Variants in GALNT9 observed in about 807,000 individuals in gnomAD.
The protein encoded by GALNT9 is GalNAc transferase 9.
Under a neutral mutation model 63.1 loss-of-function variants are expected in GALNT9, and 47 were observed. The observed-to-expected ratio is 0.75, with a 90% confidence interval of 0.59 to 0.95. GALNT9 has a LOEUF of 0.95. GALNT9 is among the 40% of genes least tolerant of loss of function. The probability of loss-of-function intolerance (pLI) is 0.00; values close to 1 mark genes in which losing one functional copy is unlikely to be tolerated. For synonymous variants in GALNT9, 396 were observed against 365.7 expected, an observed-to-expected ratio of 1.08 and a Z score of -0.94; for missense variants, 829 against 874.8, an observed-to-expected ratio of 0.95 and a Z score of 0.66.
chr12:132,225,558 A>T (rs1185967793), intron 6 of GALNT9, among the ~76,000 whole-genome samples: 3 of 145,618 alleles, frequency 2.1e-5, no homozygotes, highest in Admixed American at 6.8e-5. Context: ...CCCACACTGT[A>T]CATACACACC....
At chr12:132,240,652 T>C (rs1555236888) in intron 6 of GALNT9, 2 of 455,012 alleles carry the variant, frequency 4.4e-6, no homozygotes, top group Admixed American at 2.4e-5. Context: ...CCTGCTCCTC[T>C]TCACTCTCTG....
chr12:132,213,279 A>T (rs10529859), intron 6 of GALNT9, among the ~76,000 whole-genome samples: 1 of 40,122 alleles, frequency 2.5e-5, no homozygotes, highest in African/African-American at 7.5e-5. Context: ...CCTTCAGACC[A>T]TGACACAGAA....
intron 6 of GALNT9, among the ~76,000 whole-genome samples, chr12:132,212,107 G>A (rs936138972): frequency 1.3e-5 from 2 of 152,228 alleles, no homozygotes; most frequent in African/African-American, 4.8e-5. Context: ...AAGGATGCCA[G>A]CCTTCAGACC....
At chr12:132,328,670 G>T (rs1869149085) in intron 1 of GALNT9, among the ~76,000 whole-genome samples, 1 of 152,172 alleles carries the variant, frequency 6.6e-6, no homozygotes, top group African/African-American at 2.4e-5. Flanking sequence ...TGCTTCTAGA[G>T]CAGCTCCAAA....
At chr12:132,229,220 G>A (rs1033437352) in intron 6 of GALNT9, among the ~76,000 whole-genome samples, 10 of 152,330 alleles carry the variant, frequency 6.6e-5, no homozygotes, top group Admixed American at 5.2e-4. Flanking sequence ...TCCGTGCACC[G>A]TTCCCTGGTC....
chr12:132,266,483 A>T (rs60779249), intron 2 of GALNT9, among the ~76,000 whole-genome samples: 2,060 of 152,312 alleles, frequency 0.014, 57 homozygotes, highest in African/African-American at 0.047. Context: ...GGGCAGAGGA[A>T]ATGCAACACG....
chr12:132,233,386 C>G (rs1168574965), intron 6 of GALNT9, among the ~76,000 whole-genome samples: 1 of 29,184 alleles, frequency 3.4e-5, no homozygotes, highest in African/African-American at 2.3e-4. Flanking sequence ...GATGGGGCGA[C>G]AGAGGAGACA....
At position 132,252,281 on chromosome 12, in the gene GALNT9, C is replaced by T. The variant is rs28757712; in HGVS notation, c.960-4254G>A. 0.17 allele frequency among the ~76,000 whole-genome samples: 25,362 copies of T among 152,114 alleles called. 2,295 individuals are homozygous for T. The highest frequency in any genetic ancestry group is 0.29 in the Middle Eastern group (86 of 294). ...GTGAACGCAGGAAGGGCAGAGAGTC[C>T]CAGGCACATGGGCACCTCCTGCAGC... On this transcript the variant is annotated intron_variant, in intron 5 of 10. Coordinates refer to ENST00000328957, the MANE Select transcript of GALNT9 (RefSeq NM_001122636.2). This position sits in a 1 kb window ranked among gnomAD's most constrained non-coding sequence, Gnocchi z 5.2.
intron 2 of GALNT9, chr12:132,276,667 C>A (rs887126475): frequency 1.3e-5 from 2 of 153,318 alleles, no homozygotes; most frequent in Non-Finnish European, 2.9e-5. Flanking sequence ...TAAGGTCATT[C>A]ATTTTTATGA....
rs908663347 is a variant in GALNT9 at position 132,319,888 on chromosome 12, C to G, written c.238+9078G>C. On this transcript the variant is annotated intron_variant, in intron 1 of 10. Transcript: ENST00000328957. The surrounding 1 kb of genome is among the most constrained non-coding windows in gnomAD (Gnocchi z 5.2). ...TCTCCACCCTCAGCCTCCGGAGGTT[C>G]GGAGGCACTCACTGACCCCGCCATG... 6.6e-6 allele frequency among the ~76,000 whole-genome samples: 1 copy of G among 152,204 alleles called. No homozygotes were observed. The highest frequency in any genetic ancestry group is 1.5e-5 in the Non-Finnish European group (1 of 68,030).
chr12:132,241,208 A>C (rs201135957), intron 6 of GALNT9, among the ~76,000 whole-genome samples: 24 of 51,914 alleles, frequency 4.6e-4, no homozygotes, highest in South Asian at 2.9e-3. Flanking sequence ...TACACACACA[A>C]CACACCCCCT....
intron 1 of GALNT9, among the ~76,000 whole-genome samples, chr12:132,307,251 G>A (rs1267098419): frequency 6.6e-6 from 1 of 152,194 alleles, no homozygotes. Flanking sequence ...AAGTGCCAGT[G>A]TACAGATTTA....
At chr12:132,295,753 G>A (rs1257415756) in intron 1 of GALNT9, among the ~76,000 whole-genome samples, 1 of 152,216 alleles carries the variant, frequency 6.6e-6, no homozygotes, top group East Asian at 1.9e-4. Flanking sequence ...AAAAGGGAGA[G>A]CCTCCGAACA....
At chr12:132,262,374 C>G (rs953903193) in intron 3 of GALNT9, 85 bp downstream of exon 3, 1 of 1,469,066 alleles carries the variant, frequency 6.8e-7, no homozygotes, top group Non-Finnish European at 9.0e-7. Context: ...TGTCGCTCTG[C>G]CCCCGGAGGC....
chr12:132,286,498 C>T lies in GALNT9; in HGVS notation c.239-68G>A. The T allele has an allele frequency of 6.9e-7, 1 of 1,452,854 alleles. No homozygotes were observed. The highest frequency in any genetic ancestry group is 9.1e-7 in the Non-Finnish European group (1 of 1,104,256). The allele number at this position is 1,452,854 out of a possible 1,614,324, so 90.0% of individuals were successfully genotyped here. A position where few individuals can be genotyped will look rare whatever the true frequency, so the allele number is the denominator to read the frequency against. On this transcript the variant is annotated intron_variant, in intron 1 of 10. Coordinates refer to ENST00000328957, the MANE Select transcript of GALNT9 (RefSeq NM_001122636.2). This position sits in a 1 kb window ranked among gnomAD's most constrained non-coding sequence, Gnocchi z 7.4. Reference sequence around the variant, plus strand: ...CGCTGCGTCTGCACCCAGGAGACGCCCCTCCCGCCCCTCTCCCCGACGGCC... The same window carrying T: ...CGCTGCGTCTGCACCCAGGAGACGCTCCTCCCGCCCCTCTCCCCGACGGCC...
rs146451625 is a variant in GALNT9, at chr12:132,316,985, T to C, written c.238+11981A>G. Among the ~76,000 whole-genome samples the C allele has an allele frequency of 1.4e-4, 6 of 42,822 alleles. No homozygotes were observed. The highest frequency in any genetic ancestry group is 1.7e-4 in the Non-Finnish European group (4 of 22,908). The allele number at this position is 42,822 out of a possible 152,430, so 28.1% of individuals were successfully genotyped here. A position where few individuals can be genotyped will look rare whatever the true frequency, so the allele number is the denominator to read the frequency against. On this transcript the variant is annotated intron_variant, in intron 1 of 10. Transcript: ENST00000328957. The surrounding 1 kb of genome is among the most constrained non-coding windows in gnomAD (Gnocchi z 4.3). ...TACACCCCACGGAGCATGGTCCTATTCTACACCCACAGAGCACAGCCTGCA... is the reference window on the plus strand; with the variant it reads ...TACACCCCACGGAGCATGGTCCTATCCTACACCCACAGAGCACAGCCTGCA...
At chr12:132,321,934 C>T (rs1332524624) in intron 1 of GALNT9, among the ~76,000 whole-genome samples, 3 of 151,764 alleles carry the variant, frequency 2.0e-5, no homozygotes, top group Non-Finnish European at 2.9e-5. Context: ...TGCCTCTCCC[C>T]AGCCCCCGCC....
chr12:132,287,249 C>T (rs1880636772), intron 1 of GALNT9, among the ~76,000 whole-genome samples: 1 of 152,214 alleles, frequency 6.6e-6, no homozygotes. Flanking sequence ...CACGCCCAGG[C>T]GCTGTGCCTG....
chr12:132,266,063 C>T (rs567545511), intron 2 of GALNT9, among the ~76,000 whole-genome samples: 11 of 149,492 alleles, frequency 7.4e-5, no homozygotes, highest in Non-Finnish European at 1.6e-4. Flanking sequence ...CACAGCCAAC[C>T]GCGGGCCTGT....
Sources: gnomAD v4.1 joint callset for allele counts (sites outside exome capture counted in the v4.1 genomes callset) on GRCh38, gnomAD v4.1.1 for gene constraint, Gnocchi (gnomAD v3.1) non-coding constraint, MANE v1.5 for transcripts, NCBI Gene and HGNC (gene_info 2026-07-23, HGNC 2026-07-21) for gene names.